The following ZPBP variants were observed in gnomAD, a reference collection of about 807,000 sequenced individuals.
ZPBP encodes zona pellucida-binding protein 1.
In ZPBP, 26 loss-of-function variants were observed where a neutral mutation model predicts 44.8. The ratio of observed to expected loss-of-function variants is 0.58; its 90% CI spans 0.43 to 0.81. The LOEUF is 0.81. Ranked by LOEUF, ZPBP falls within the 30% of genes least tolerant of loss-of-function variation. The pLI is 0.00. For missense variants in ZPBP, 409 were observed against 434.0 expected (o/e 0.94, Z 0.51); for synonymous variants, 174 against 153.2 (o/e 1.14, Z -1.00).
At chr7:49,896,957 G>T (rs1278119430) in intron 2 of ZPBP, among the ~76,000 whole-genome samples, 1 of 140,422 alleles carries the variant, frequency 7.1e-6, no homozygotes, top group Admixed American at 7.6e-5. Context: ...CTGCAGTGGC[G>T]CAATCTCGGC....
intron 3 of ZPBP, among the ~76,000 whole-genome samples, chr7:50,074,136 G>T (rs1035429359): frequency 1.3e-5 from 2 of 151,886 alleles, no homozygotes; most frequent in Non-Finnish European, 2.9e-5. Context: ...AAAAAGCAGG[G>T]GGATTAAATT....
intron 7 of ZPBP, among the ~76,000 whole-genome samples, chr7:49,962,104 C>T (rs1164102605): frequency 1.3e-5 from 2 of 151,696 alleles, no homozygotes; most frequent in Non-Finnish European, 2.9e-5. Flanking sequence ...TTTACATAAA[C>T]CATTTAAGAA....
rs1228319373 is a variant in ZPBP at position 50,058,110 on chromosome 7, T to C, written c.366A>G (p.Thr122=). ...CAAAATTTTGGAATACAAGGCTTCC[T>C]GTGGATGTTATTTGTGCAGTGCGGT... ...VENRTAQITS[T]GSLVFQNFEE... The change falls in exon 4 of 8, where the codon ACA becomes ACG. Residue 122 remains threonine (T), a synonymous_variant. Transcript: ENST00000046087. 7.4e-6 allele frequency: 12 copies of C among 1,613,902 alleles called. No individual in the cohort carries two copies. The highest frequency in any genetic ancestry group is 2.2e-5 in the East Asian group (1 of 44,838).
chr7:49,872,933 A>AAAAAG (rs1562744445), intron 2 of ZPBP, among the ~76,000 whole-genome samples: 4 of 147,850 alleles, frequency 2.7e-5, no homozygotes, highest in African/African-American at 1.0e-4. Context: ...AAAAAAAAAA[A>AAAAAG]AAAAGAAAGA....
At chr7:49,929,827 T>C (rs1455437161) in intron 1 of ZPBP, among the ~76,000 whole-genome samples, 1 of 152,206 alleles carries the variant, frequency 6.6e-6, no homozygotes, top group African/African-American at 2.4e-5. Context: ...GGACATTAAA[T>C]GTACATGTTA....
downstream of ZPBP, among the ~76,000 whole-genome samples, chr7:49,846,627 G>A (rs1014820387): frequency 1.3e-5 from 2 of 151,954 alleles, no homozygotes; most frequent in Non-Finnish European, 2.9e-5. Flanking sequence ...TATTATTATT[G>A]CCATACTTAT....
intron 7 of ZPBP, among the ~76,000 whole-genome samples, chr7:49,952,242 A>G (rs1445383552): frequency 6.6e-6 from 1 of 152,000 alleles, no homozygotes; most frequent in Non-Finnish European, 1.5e-5. Context: ...AATTAAAAAA[A>G]TAAAGAGAGC....
In ZPBP at chr7:50,034,134, T is replaced by C. The variant is rs140306271; in HGVS notation, c.488-2824A>G. 1.7e-3 allele frequency among the ~76,000 whole-genome samples: 265 copies of C among 152,114 alleles called. 3 individuals carry two copies. Among genetic ancestry groups the C allele is most frequent in the African/African-American group, 5.9e-3 (247 of 41,524 alleles). ...TATGTTTCAAGAAAAATTTAAAAAC[T>C]ATAGTGTGCCTGTTATTAGATTCTA... On this transcript the variant is annotated intron_variant, in intron 4 of 7. Coordinates refer to ENST00000046087, the MANE Select transcript of ZPBP (RefSeq NM_007009.3).
At chr7:49,862,786 G>A (rs769210329) in intron 2 of ZPBP, among the ~76,000 whole-genome samples, 2 of 150,472 alleles carry the variant, frequency 1.3e-5, no homozygotes, top group Admixed American at 6.6e-5. Context: ...AATTTTTGTA[G>A]GTTGAATCAC....
chr7:49,887,157 G>A (rs751728223), intron 2 of ZPBP, among the ~76,000 whole-genome samples: 1 of 152,118 alleles, frequency 6.6e-6, no homozygotes, highest in Non-Finnish European at 1.5e-5. Flanking sequence ...GCTTTATCCT[G>A]ATCGATGATG....
chr7:50,026,786 A>G (rs1043524322), intron 5 of ZPBP, among the ~76,000 whole-genome samples: 2 of 151,936 alleles, frequency 1.3e-5, no homozygotes, highest in African/African-American at 4.8e-5. Flanking sequence ...GAGCTATTAG[A>G]CAAATTGCCA....
chr7:50,079,979 T>C (rs1299648195), intron 3 of ZPBP, among the ~76,000 whole-genome samples: 1 of 151,638 alleles, frequency 6.6e-6, no homozygotes, highest in Non-Finnish European at 1.5e-5. Context: ...AGACACCAAA[T>C]ATAAGACTTG....
At chr7:50,090,634 T>C (rs933018721) in intron 1 of ZPBP, among the ~76,000 whole-genome samples, 6 of 151,050 alleles carry the variant, frequency 4.0e-5, no homozygotes, top group Non-Finnish European at 4.4e-5. Context: ...TGTATATATA[T>C]ACACACACAC....
At chr7:50,030,642 T>C (rs1055829933) in intron 5 of ZPBP, among the ~76,000 whole-genome samples, 13 of 150,694 alleles carry the variant, frequency 8.6e-5, no homozygotes, top group African/African-American at 3.2e-4. Context: ...TAAACCATTA[T>C]AAATATAAAG....
At chr7:49,988,410 G>A (rs1345275615) in intron 6 of ZPBP, among the ~76,000 whole-genome samples, 1 of 152,106 alleles carries the variant, frequency 6.6e-6, no homozygotes, top group Admixed American at 6.5e-5. Context: ...TATTTGACAT[G>A]TTTAGGTACA....
chr7:49,973,985 C>T (rs554314995), intron 7 of ZPBP, among the ~76,000 whole-genome samples: 129 of 152,106 alleles, frequency 8.5e-4, no homozygotes, highest in Non-Finnish European at 1.6e-3. Flanking sequence ...AGTTCTCATA[C>T]AGGCTACCAC....
At chr7:49,890,578 T>C (rs943613671) in intron 2 of ZPBP, among the ~76,000 whole-genome samples, 5 of 152,236 alleles carry the variant, frequency 3.3e-5, no homozygotes, top group Admixed American at 6.5e-5. Flanking sequence ...GCTCCTTTCT[T>C]ATTTGGGAAT....
intron 2 of ZPBP, among the ~76,000 whole-genome samples, chr7:49,887,575 G>A (rs528279): frequency 0.79 from 120,316 of 152,028 alleles, 47,756 homozygotes; most frequent in East Asian, 0.91. Context: ...ATTTGTGTCT[G>A]TATGATAATC....
At chr7:49,961,768 G>A (rs566810045) in intron 7 of ZPBP, among the ~76,000 whole-genome samples, 1 of 152,212 alleles carries the variant, frequency 6.6e-6, no homozygotes, top group African/African-American at 2.4e-5. Context: ...GGATATAACT[G>A]AGGAGAGAGA....
Sources: allele counts gnomAD v4.1 joint callset (sites outside exome capture counted in the v4.1 genomes callset), GRCh38; gene constraint gnomAD v4.1.1; transcripts MANE v1.5; gene names NCBI Gene and HGNC (gene_info 2026-07-23, HGNC 2026-07-21).